The following GAD2 variants were observed in gnomAD, a reference collection of about 807,000 sequenced individuals.
GAD2 encodes the protein 65 kDa glutamic acid decarboxylase.
In GAD2, 22 loss-of-function variants were observed where a neutral mutation model predicts 80.1. The ratio of observed to expected loss-of-function variants is 0.27; its 90% CI spans 0.20 to 0.39. The LOEUF (loss-of-function observed/expected upper bound fraction) is 0.39. Among genes scored for constraint, GAD2 ranks in the 10% least tolerant of loss-of-function variants. The pLI, the probability that GAD2 is intolerant of heterozygous loss-of-function variation, is 1.00. For missense variants in GAD2, 624 were observed against 738.4 expected, an observed-to-expected ratio of 0.85 and a Z score of 1.80; for synonymous variants, 274 against 256.9, an observed-to-expected ratio of 1.07 and a Z score of -0.64.
chr10:26,246,335 A>G (rs1844809938), intron 8 of GAD2, among the ~76,000 whole-genome samples: 1 of 152,194 alleles, frequency 6.6e-6, no homozygotes, highest in South Asian at 2.1e-4. Flanking sequence ...AGGTGTCATC[A>G]CTTTGGGCAC....
At chr10:26,277,942 G>T (rs965388734) in intron 11 of GAD2, among the ~76,000 whole-genome samples, 2 of 151,870 alleles carry the variant, frequency 1.3e-5, no homozygotes, top group Admixed American at 6.6e-5. Context: ...TGCAGAAGCC[G>T]CATGACCGAA....
rs1834327660 is a variant in GAD2, at chr10:26,301,325, G to A, written c.*364G>A. The stretch of plus-strand genomic sequence containing the variant: ...TGAATCATAAAAGGTTCTTTGGGGT[G>A]CAGTAAAAAGGACAAAGTAAATATA... On this transcript the variant is annotated 3_prime_UTR_variant, in exon 16 of 16. Transcript: ENST00000376261. 6.3e-6 allele frequency: 1 copy of A among 158,482 alleles called. No homozygotes were observed. The highest frequency in any genetic ancestry group is 6.3e-5 in the Admixed American group (1 of 15,848). The allele number at this position is 158,482 out of a possible 1,614,324, so 9.8% of individuals were successfully genotyped here.
At chr10:26,299,592 A>G (rs1447171258) in intron 15 of GAD2, among the ~76,000 whole-genome samples, 1 of 152,228 alleles carries the variant, frequency 6.6e-6, no homozygotes, top group African/African-American at 2.4e-5. Context: ...GAATCCCCCA[A>G]CATGAACCAA....
At chr10:26,258,433 G>C (rs1038098922) in intron 8 of GAD2, among the ~76,000 whole-genome samples, 9 of 152,134 alleles carry the variant, frequency 5.9e-5, no homozygotes, top group African/African-American at 2.2e-4. Context: ...CATTTCAGTG[G>C]TGTGAAATAC....
At chr10:26,259,544 C>G (rs1415412653) in intron 8 of GAD2, among the ~76,000 whole-genome samples, 1 of 151,698 alleles carries the variant, frequency 6.6e-6, no homozygotes, top group Non-Finnish European at 1.5e-5. Context: ...TTACTCAGGT[C>G]TTTTGGATTG....
At chr10:26,252,440 T>C (rs1217514721) in intron 8 of GAD2, among the ~76,000 whole-genome samples, 2 of 152,138 alleles carry the variant, frequency 1.3e-5, no homozygotes, top group African/African-American at 4.8e-5. Context: ...CCTCCCAGGT[T>C]CAAGAGAGTC....
intron 8 of GAD2, among the ~76,000 whole-genome samples, chr10:26,247,790 G>A (rs76376816): frequency 0.013 from 1,924 of 151,418 alleles, 41 homozygotes; most frequent in African/African-American, 0.044. Context: ...CAGCTACTCA[G>A]GAGGCTGACA....
intron 13 of GAD2, 63 bp downstream of exon 13, chr10:26,286,557 T>A: frequency 6.9e-7 from 1 of 1,449,772 alleles, no homozygotes; most frequent in Non-Finnish European, 9.2e-7. Flanking sequence ...GTGACCCCAT[T>A]ATGAAATGTC....
At chr10:26,245,333 A>G (rs1844793481) in intron 7 of GAD2, among the ~76,000 whole-genome samples, 1 of 152,054 alleles carries the variant, frequency 6.6e-6, no homozygotes. Flanking sequence ...ACGTTTACCT[A>G]TGTAACAAAC....
intron 8 of GAD2, among the ~76,000 whole-genome samples, chr10:26,255,900 A>G (rs557552029): frequency 6.7e-6 from 1 of 149,372 alleles, no homozygotes; most frequent in Admixed American, 6.6e-5. Context: ...AGGTGCAAGG[A>G]GGACTGGGGA....
chr10:26,293,076 A>G, intron 15 of GAD2, 85 bp downstream of exon 15: 1 of 1,086,718 alleles, frequency 9.2e-7, no homozygotes, highest in South Asian at 1.3e-5. Context: ...CTGTGGCCTT[A>G]GGAGACAGCC....
intron 7 of GAD2, among the ~76,000 whole-genome samples, chr10:26,242,400 G>T (rs1351039131): frequency 6.6e-6 from 1 of 151,652 alleles, no homozygotes; most frequent in Middle Eastern, 3.2e-3. Context: ...TTTTCCTCTG[G>T]TTCATCAACA....
chr10:26,259,567 T>C (rs906003085), intron 8 of GAD2, among the ~76,000 whole-genome samples: 2 of 152,130 alleles, frequency 1.3e-5, no homozygotes, highest in African/African-American at 4.8e-5. Context: ...TTTGTTATTG[T>C]TGTTGTTGAG....
chr10:26,240,954 A>G (rs922329438), intron 7 of GAD2, among the ~76,000 whole-genome samples: 1 of 150,596 alleles, frequency 6.6e-6, no homozygotes, highest in African/African-American at 2.5e-5. Context: ...AGGCAGAAGA[A>G]TGGCGTGAAT....
chr10:26,220,384 CA>C (rs1448658081), intron 4 of GAD2, among the ~76,000 whole-genome samples: 1 of 152,162 alleles, frequency 6.6e-6, no homozygotes, highest in Non-Finnish European at 1.5e-5. Context: ...CAATAACAAA[CA>C]TTCTTAAAAT....
intron 6 of GAD2, among the ~76,000 whole-genome samples, chr10:26,226,013 C>A (rs1198003864): frequency 1.3e-5 from 2 of 152,188 alleles, no homozygotes; most frequent in African/African-American, 4.8e-5. Flanking sequence ...TTCTTCTTCC[C>A]ACCCTTGTGT....
intron 6 of GAD2, among the ~76,000 whole-genome samples, chr10:26,228,485 G>A (rs1451409095): frequency 6.6e-6 from 1 of 152,220 alleles, no homozygotes; most frequent in Non-Finnish European, 1.5e-5. Context: ...ATGAATAGAT[G>A]AGTATGATGA....
chr10:26,270,149 G>A (rs946946529), intron 9 of GAD2, among the ~76,000 whole-genome samples: 2 of 152,172 alleles, frequency 1.3e-5, no homozygotes, highest in African/African-American at 2.4e-5. Context: ...TATTTTAGCC[G>A]CTCCGTGCTG....
At chr10:26,275,061 G>T (rs1845183209) in intron 11 of GAD2, among the ~76,000 whole-genome samples, 1 of 152,190 alleles carries the variant, frequency 6.6e-6, no homozygotes, top group Non-Finnish European at 1.5e-5. Context: ...CTTCTCTCAG[G>T]CCTAATCCCT....
Sources: allele counts gnomAD v4.1 joint callset (sites outside exome capture counted in the v4.1 genomes callset), GRCh38; gene constraint gnomAD v4.1.1; transcripts MANE v1.5; gene names NCBI Gene and HGNC (gene_info 2026-07-23, HGNC 2026-07-21).